The following ZSCAN25 variants were observed in gnomAD, a reference collection of about 807,000 sequenced individuals.
The protein encoded by ZSCAN25 is zinc finger and SCAN domain containing 25, also known as zinc finger and SCAN domain-containing protein 25.
Under a neutral mutation model 38.7 loss-of-function variants are expected in ZSCAN25, and 27 were observed. The ratio of observed to expected loss-of-function variants is 0.70; its 90% CI spans 0.51 to 0.96. The LOEUF is 0.96. Among genes scored for constraint, ZSCAN25 ranks in the 40% least tolerant of loss-of-function variants. The pLI is 0.00. For synonymous variants in ZSCAN25, 273 were observed against 277.7 expected (o/e 0.98, Z 0.17); for missense variants, 637 against 705.9 (o/e 0.90, Z 1.11).
the ZSCAN25 span, chr7:99,707,745 A>C: frequency 6.3e-7 from 1 of 1,593,508 alleles, no homozygotes; most frequent in Non-Finnish European, 8.6e-7. Context: ...ATTCTTTTTT[A>C]AATATATAGA....
the ZSCAN25 span, chr7:99,707,881 G>T: frequency 6.2e-7 from 1 of 1,614,032 alleles, no homozygotes; most frequent in East Asian, 2.2e-5. Context: ...TCATGTTCAC[G>T]AGAGCAAACC....
intron 1 of ZSCAN25, 33 bp downstream of exon 1, chr7:99,617,049 G>A (rs371816892): frequency 3.3e-5 from 5 of 152,372 alleles, no homozygotes; most frequent in African/African-American, 7.2e-5. Flanking sequence ...AGCGGGTGGC[G>A]GGCGAAGTGG....
At chr7:99,620,360 G>A in intron 4 of ZSCAN25, 1 of 207,992 alleles carries the variant, frequency 4.8e-6, no homozygotes, top group Non-Finnish European at 9.7e-6. Flanking sequence ...CCCACCTGGG[G>A]AATATTTTTC....
chr7:99,622,471 G>T, intron 5 of ZSCAN25, 78 bp from the exon 6 acceptor site: 1 of 1,325,258 alleles, frequency 7.5e-7, no homozygotes, highest in Non-Finnish European at 1.1e-6. Context: ...GCATCTGGTA[G>T]GGGACACATT....
chr7:99,712,446 T>C, the ZSCAN25 span, among the ~76,000 whole-genome samples: 1 of 152,212 alleles, frequency 6.6e-6, no homozygotes, highest in African/African-American at 2.4e-5. Flanking sequence ...TTTTATTCAA[T>C]TAAACTTAAA....
the ZSCAN25 span, chr7:99,638,536 A>C: frequency 5.3e-6 from 8 of 1,513,428 alleles, no homozygotes; most frequent in Non-Finnish European, 6.4e-6. Context: ...GTCCCAGTGT[A>C]GTTATGCCGC....
the ZSCAN25 span, among the ~76,000 whole-genome samples, chr7:99,728,495 C>G: frequency 3.3e-5 from 5 of 152,224 alleles, no homozygotes; most frequent in Non-Finnish European, 5.9e-5. Context: ...CCCTAAGAGT[C>G]TGGGTGCAAG....
intron 5 of ZSCAN25, 80 bp downstream of exon 5, chr7:99,621,654 A>G (rs989917603): frequency 5.1e-6 from 6 of 1,167,480 alleles, no homozygotes; most frequent in African/African-American, 1.6e-5. Flanking sequence ...AAACCCAGCA[A>G]TGGAGCAACT....
chr7:99,727,118 T>C, the ZSCAN25 span, among the ~76,000 whole-genome samples: 1 of 152,208 alleles, frequency 6.6e-6, no homozygotes, highest in South Asian at 2.1e-4. Flanking sequence ...CTCTAGAGGC[T>C]GTTCCCATAC....
chr7:99,649,321 A>G, the ZSCAN25 span, among the ~76,000 whole-genome samples: 1 of 152,226 alleles, frequency 6.6e-6, no homozygotes, highest in African/African-American at 2.4e-5. Flanking sequence ...CTTAAGGGGT[A>G]GAGTTGCATA....
rs1807804947 is a variant in ZSCAN25 at position 99,629,539 on chromosome 7, C to T, written c.1154C>T (p.Thr385Ile). 1.2e-6 allele frequency: 2 copies of T among 1,614,166 alleles called. No homozygotes were observed. The highest frequency in any genetic ancestry group is 1.7e-6 in the Non-Finnish European group (2 of 1,180,016). Residue 385 changes from threonine to isoleucine, a missense_variant, in exon 8 of 8, where the codon ACC (threonine) becomes ATC (isoleucine). Thr to Ile is a moderately conservative substitution (Grantham distance 89). Coordinates refer to ENST00000394152, the MANE Select transcript of ZSCAN25 (RefSeq NM_145115.3). This position sits in a 1 kb window ranked among gnomAD's most constrained non-coding sequence, Gnocchi z 5.6. ...YGCVECGKGF[T>I]LREYLMKHQR... ...TGTGTGGAGTGTGGGAAGGGCTTTA[C>T]CCTGAGAGAATACCTGATGAAGCAC... is the stretch of plus-strand genomic sequence containing the variant.
the ZSCAN25 span, among the ~76,000 whole-genome samples, chr7:99,664,664 A>T: frequency 3.2e-4 from 48 of 152,300 alleles, 1 homozygote; most frequent in East Asian, 8.9e-3. Flanking sequence ...AAAACACAGG[A>T]TGTAGCCAAA....
At chr7:99,702,514 C>T in the ZSCAN25 span, among the ~76,000 whole-genome samples, 2 of 152,166 alleles carry the variant, frequency 1.3e-5, no homozygotes, top group African/African-American at 4.8e-5. Flanking sequence ...GTCTTTTCCC[C>T]AGTGTATGTT....
At chr7:99,708,945 A>G in the ZSCAN25 span, 7 of 1,407,448 alleles carry the variant, frequency 5.0e-6, no homozygotes, top group Non-Finnish European at 6.0e-6. Context: ...CAAGCAAACG[A>G]TTGTACAAGC....
the ZSCAN25 span, chr7:99,705,594 A>T: frequency 1.9e-6 from 3 of 1,613,294 alleles, no homozygotes; most frequent in Non-Finnish European, 2.5e-6. Context: ...TTTCAGGGGG[A>T]TCTGCAACAG....
Position 99,621,368 on chromosome 7 carries a change from C to G in ZSCAN25, c.388-5C>G. The stretch of plus-strand genomic sequence containing the variant: ...ATTCTAATCGGTGTTGGGAACTGTT[C>G]TTAGGTTCCATGCCACAGGCAGGGA... On this transcript the variant is annotated splice_region_variant and splice_polypyrimidine_tract_variant and intron_variant, in intron 4 of 7. Transcript: ENST00000394152. 2.1e-6 allele frequency: 3 copies of G among 1,398,754 alleles called. No individual in the cohort carries two copies. The East Asian group carries it at 7.9e-5, about 37-fold the overall frequency. The allele number at this position is 1,398,754 out of a possible 1,614,324, so 86.6% of individuals were successfully genotyped here. A position where few individuals can be genotyped will look rare whatever the true frequency, so the allele number is the denominator to read the frequency against.
the ZSCAN25 span, among the ~76,000 whole-genome samples, chr7:99,661,179 A>G: frequency 6.6e-6 from 1 of 152,204 alleles, no homozygotes; most frequent in African/African-American, 2.4e-5. Flanking sequence ...ATACTGAGCT[A>G]CAGATCACCT....
chr7:99,624,027 T>C (rs1312692072), intron 6 of ZSCAN25, 30 bp from the exon 7 acceptor site: 6 of 1,613,902 alleles, frequency 3.7e-6, no homozygotes, highest in Non-Finnish European at 5.1e-6. Flanking sequence ...GGATTCTTTC[T>C]TTATTCATAG....
the ZSCAN25 span, chr7:99,647,717 T>C: frequency 1.2e-5 from 12 of 985,332 alleles, no homozygotes; most frequent in Middle Eastern, 5.2e-4. Context: ...CCTATGTTAA[T>C]AATCAAATTG....
Sources: allele counts gnomAD v4.1 joint callset (sites outside exome capture counted in the v4.1 genomes callset), GRCh38; gene constraint gnomAD v4.1.1; non-coding constraint Gnocchi (gnomAD v3.1); transcripts MANE v1.5; gene names NCBI Gene and HGNC (gene_info 2026-07-23, HGNC 2026-07-21).